Variants in CEP112 observed in about 807,000 individuals in gnomAD.
CEP112 encodes centrosomal protein of 112 kDa.
Under a neutral mutation model 153.0 loss-of-function variants are expected in CEP112, and 127 were observed. The ratio of observed to expected loss-of-function variants is 0.83; its 90% CI spans 0.72 to 0.96. The LOEUF (loss-of-function observed/expected upper bound fraction) is 0.96, where lower values mean the gene tolerates loss of function less well. Ranked by LOEUF, CEP112 falls within the 40% of genes least tolerant of loss-of-function variation. CEP112 has a pLI of 0.00. For synonymous variants in CEP112, 358 were observed against 374.4 expected, an observed-to-expected ratio of 0.96 and a Z score of 0.51; for missense variants, 1,089 against 1,101.2, an observed-to-expected ratio of 0.99 and a Z score of 0.16.
At chr17:65,800,560 C>T (rs959495106) in intron 21 of CEP112, among the ~76,000 whole-genome samples, 2 of 152,162 alleles carry the variant, frequency 1.3e-5, no homozygotes, top group African/African-American at 4.8e-5. Context: ...ATGAATCATG[C>T]TGCTTTGAAC....
chr17:65,825,312 GA>G (rs2056786895), intron 21 of CEP112, among the ~76,000 whole-genome samples: 1 of 152,166 alleles, frequency 6.6e-6, no homozygotes, highest in South Asian at 2.1e-4. Flanking sequence ...AGGTTTCATG[GA>G]AGACAACATT....
intron 21 of CEP112, among the ~76,000 whole-genome samples, chr17:65,757,264 G>A (rs2052343754): frequency 6.6e-6 from 1 of 152,144 alleles, no homozygotes; most frequent in Non-Finnish European, 1.5e-5. Flanking sequence ...CTACAGGGTG[G>A]GACGAGGGGA....
chr17:65,845,267 C>T (rs553679619), intron 21 of CEP112, among the ~76,000 whole-genome samples: 10 of 152,102 alleles, frequency 6.6e-5, no homozygotes, highest in African/African-American at 2.2e-4. Context: ...TGTGGTGAGT[C>T]GAGATTGTAC....
chr17:65,776,349 C>T (rs1270201620), intron 21 of CEP112, among the ~76,000 whole-genome samples: 2 of 152,354 alleles, frequency 1.3e-5, no homozygotes, highest in South Asian at 2.1e-4. Flanking sequence ...ATTCTCCTGC[C>T]TCAGCCTCCC....
rs555247212 is a variant in CEP112, at chr17:66,166,956, C to T, written c.470+8088G>A. ...TACTTAGGCAGCTTCAAATATATGG[C>T]GTGAAAAAATGTAAACAATGAGGCC... On this transcript the variant is annotated intron_variant, in intron 4 of 26. Coordinates refer to ENST00000535342, the MANE Select transcript of CEP112 (RefSeq NM_001199165.4). Among the ~76,000 whole-genome samples the T allele has an allele frequency of 5.1e-4, 77 of 150,266 alleles. 1 individual carries two copies. Among genetic ancestry groups the T allele is most frequent in the African/African-American group, 1.8e-3 (72 of 41,004 alleles).
chr17:66,090,434 T>C (rs916516738), intron 8 of CEP112, among the ~76,000 whole-genome samples: 1 of 152,110 alleles, frequency 6.6e-6, no homozygotes, highest in South Asian at 2.1e-4. Flanking sequence ...GAGTAAAATG[T>C]AGTTTTTATA....
chr17:65,875,045 A>G (rs2058777771), intron 20 of CEP112, among the ~76,000 whole-genome samples: 1 of 152,082 alleles, frequency 6.6e-6, no homozygotes, highest in South Asian at 2.1e-4. Flanking sequence ...GACCATTCTC[A>G]TAAGAACATA....
intron 12 of CEP112, among the ~76,000 whole-genome samples, chr17:66,050,463 T>C (rs1306440382): frequency 3.9e-5 from 6 of 152,166 alleles, no homozygotes; most frequent in Non-Finnish European, 8.8e-5. Context: ...TGTTGTATTC[T>C]CTCCAGAAAA....
intron 6 of CEP112, among the ~76,000 whole-genome samples, chr17:66,102,593 C>T (rs543086192): frequency 6.6e-6 from 1 of 150,382 alleles, no homozygotes; most frequent in South Asian, 2.1e-4. Context: ...GTCAGGAGAT[C>T]AAGACCATCC....
chr17:65,828,489 T>C (rs895026120), intron 21 of CEP112, among the ~76,000 whole-genome samples: 1 of 152,230 alleles, frequency 6.6e-6, no homozygotes, highest in Non-Finnish European at 1.5e-5. Flanking sequence ...GGAATCTCAC[T>C]AGTCAGCCTA....
chr17:65,794,918 G>C (rs763838738), intron 21 of CEP112, among the ~76,000 whole-genome samples: 24 of 152,208 alleles, frequency 1.6e-4, no homozygotes, highest in Non-Finnish European at 3.2e-4. Context: ...GATCCACAAG[G>C]GTGGGGACTG....
intron 3 of CEP112, among the ~76,000 whole-genome samples, chr17:66,175,633 A>C (rs1598497144): frequency 6.6e-6 from 1 of 152,350 alleles, no homozygotes; most frequent in Middle Eastern, 3.4e-3. Context: ...CAACCCAGGA[A>C]TTAAAATTAG....
At chr17:66,139,849 C>T (rs1222021136) in intron 4 of CEP112, among the ~76,000 whole-genome samples, 1 of 152,150 alleles carries the variant, frequency 6.6e-6, no homozygotes, top group African/African-American at 2.4e-5. Flanking sequence ...GTGAATTCTA[C>T]CAAACATTTG....
chr17:65,975,674 CTT>C (rs748351336), intron 17 of CEP112, among the ~76,000 whole-genome samples: 6 of 152,124 alleles, frequency 3.9e-5, no homozygotes, highest in Non-Finnish European at 8.8e-5. Flanking sequence ...TGTGATACAA[CTT>C]AGCATTTCTT....
intron 1 of CEP112, among the ~76,000 whole-genome samples, chr17:66,186,522 C>T (rs898176944): frequency 2.0e-5 from 3 of 152,146 alleles, no homozygotes; most frequent in African/African-American, 7.2e-5. Flanking sequence ...ATCTCCTGAC[C>T]TCGTGATCCG....
At position 65,940,701 on chromosome 17, in the gene CEP112, G is replaced by C. The variant is rs546832823; in HGVS notation, c.1873-13012C>G. Among the ~76,000 whole-genome samples the C allele has an allele frequency of 4.6e-5, 7 of 152,258 alleles. No homozygotes were observed. The South Asian group carries it at 1.5e-3, about 32-fold the overall frequency. On this transcript the variant is annotated intron_variant, in intron 18 of 26. Transcript: ENST00000535342. ...TCTAAAAAAGTTGAACTCAGAAGTA[G>C]AGAGTACAATGGTAGTTAGGAAAGG... is the stretch of plus-strand genomic sequence containing the variant.
intron 17 of CEP112, among the ~76,000 whole-genome samples, chr17:65,990,450 T>G (rs767707945): frequency 6.6e-6 from 1 of 152,240 alleles, no homozygotes; most frequent in Non-Finnish European, 1.5e-5. Context: ...ACCAGCCAGA[T>G]AGCATCTGTG....
At chr17:65,672,770 C>T (rs559397917) in intron 24 of CEP112, among the ~76,000 whole-genome samples, 2 of 152,018 alleles carry the variant, frequency 1.3e-5, no homozygotes, top group Non-Finnish European at 2.9e-5. Context: ...CACAGGAAAT[C>T]GATAAATGGG....
intron 6 of CEP112, among the ~76,000 whole-genome samples, chr17:66,117,795 A>C (rs2069369578): frequency 6.6e-6 from 1 of 152,202 alleles, no homozygotes; most frequent in Non-Finnish European, 1.5e-5. Flanking sequence ...CAAAATACAT[A>C]AAGAGTTCAC....
Sources: allele counts gnomAD v4.1 joint callset (sites outside exome capture counted in the v4.1 genomes callset), GRCh38; gene constraint gnomAD v4.1.1; transcripts MANE v1.5; gene names NCBI Gene and HGNC (gene_info 2026-07-23, HGNC 2026-07-21).